DUSP8: variants seen among roughly 807,000 people sequenced by gnomAD.
The protein encoded by DUSP8 is dual specificity phosphatase 8.
A neutral mutation model predicts 38.7 loss-of-function variants in DUSP8; 15 were observed. The observed-to-expected ratio is 0.39, with a 90% CI of 0.26 to 0.60. The LOEUF (loss-of-function observed/expected upper bound fraction) is 0.60. DUSP8 is among the 20% of genes least tolerant of loss of function. The probability of loss-of-function intolerance (pLI) is 0.56; values close to 1 mark genes in which losing one functional copy is unlikely to be tolerated. For synonymous variants in DUSP8, 458 were observed against 433.9 expected (o/e 1.06, Z -0.69); for missense variants, 768 against 915.0 (o/e 0.84, Z 2.07).
At position 1,555,237 on chromosome 11, in the gene DUSP8, A is replaced by G; in HGVS notation, c.*1281T>C. ...ACTTGTGTTTGGGGGCTGGCATGCC[A>G]CCTAGAGAGAGAGCACCCTGGGAAA... On this transcript the variant is annotated 3_prime_UTR_variant, in exon 7 of 7. Transcript: ENST00000397374. 1 of 987,800 alleles carries G rather than the reference A, an allele frequency of 1.0e-6. No individual in the cohort carries two copies. Among genetic ancestry groups the G allele is most frequent in the Non-Finnish European group, 1.2e-6 (1 of 830,134 alleles). The allele number at this position is 987,800 out of a possible 1,614,324, so 61.2% of individuals were successfully genotyped here.
At chr11:1,559,098 G>A in intron 3 of DUSP8, 43 bp from the exon 4 acceptor site, 2 of 1,586,840 alleles carry the variant, frequency 1.3e-6, no homozygotes, top group East Asian at 2.3e-5. Flanking sequence ...GAACACCTAG[G>A]GCTCCCTGTC....
chr11:1,563,687 C>T (rs1441262159), intron 3 of DUSP8, among the ~76,000 whole-genome samples, 164 bp downstream of exon 3: 1 of 152,128 alleles, frequency 6.6e-6, no homozygotes, highest in Non-Finnish European at 1.5e-5. Context: ...TTGGTGGGTC[C>T]TGAAGTGTGG....
At chr11:1,564,846 T>C (rs1042773656) in intron 2 of DUSP8, among the ~76,000 whole-genome samples, 1 of 152,228 alleles carries the variant, frequency 6.6e-6, no homozygotes, top group Non-Finnish European at 1.5e-5. Flanking sequence ...AGTCCTCCCA[T>C]GTCCCAGCTC....
chr11:1,555,343 G>A lies in DUSP8; in HGVS notation c.*1175C>T. ...GGGGCTTTACCTGTCTTGAGGCAGT[G>A]CTCCCTAAGTGAAGCAGGCCTATCC... On this transcript the variant is annotated 3_prime_UTR_variant, in exon 7 of 7. Transcript: ENST00000397374. 1.0e-6 allele frequency: 1 copy of A among 987,816 alleles called. No individual in the cohort carries two copies. Among genetic ancestry groups the A allele is most frequent in the Non-Finnish European group, 1.2e-6 (1 of 830,208 alleles). The allele number at this position is 987,816 out of a possible 1,614,324, so 61.2% of individuals were successfully genotyped here. A position where few individuals can be genotyped will look rare whatever the true frequency, so the allele number is the denominator to read the frequency against.
chr11:1,572,429 C>CGGGGGGGGGGGCGGGGTGCAGGGTGCG (rs746042981), upstream of DUSP8, among the ~76,000 whole-genome samples: 1 of 29,470 alleles, frequency 3.4e-5, no homozygotes, highest in Non-Finnish European at 6.6e-5. The surrounding 1 kb of genome is among the most constrained non-coding windows in gnomAD (Gnocchi z 4.7). Context: ...GCGGCTGCCG[C>CGGGGGGGGGGGCGGGGTGCAGGGTGCG]GGGGGGGGGG....
intron 3 of DUSP8, among the ~76,000 whole-genome samples, chr11:1,560,052 G>A (rs1848693945): frequency 6.6e-6 from 1 of 152,184 alleles, no homozygotes; most frequent in Admixed American, 6.5e-5. Flanking sequence ...CACCGATGTG[G>A]ACCAGAAACT....
At position 1,558,386 on chromosome 11, in the gene DUSP8, G is replaced by A. The variant is rs545561857; in HGVS notation, c.538-115C>T. On this transcript the variant is annotated intron_variant, in intron 4 of 6. Transcript: ENST00000397374. The surrounding 1 kb of genome is among the most constrained non-coding windows in gnomAD (Gnocchi z 6.3). ...GGGCCTTTAGAATCCTGGGAGCCTT[G>A]GAATTTGTCCCAGATCCCAGTGTAT... The A allele has an allele frequency of 1.9e-5, 18 of 964,294 alleles. No homozygotes were observed. In the South Asian group the frequency reaches 2.0e-4, roughly 10 times the overall value. 59.7% of individuals were successfully genotyped at this position (964,294 alleles called of 1,614,324 possible).
chr11:1,559,776 C>T (rs533767246), intron 3 of DUSP8, among the ~76,000 whole-genome samples: 4 of 152,314 alleles, frequency 2.6e-5, no homozygotes, highest in Non-Finnish European at 5.9e-5. Flanking sequence ...CACACGTGAC[C>T]AGCGTGTGCT....
intron 3 of DUSP8, among the ~76,000 whole-genome samples, chr11:1,561,696 G>A (rs1446592342): frequency 6.6e-6 from 1 of 152,256 alleles, no homozygotes; most frequent in Non-Finnish European, 1.5e-5. Context: ...GGAGGACAGA[G>A]GCTTGGTCCT....
Position 1,556,295 on chromosome 11 carries a change from G to T in DUSP8, c.*223C>A, listed in dbSNP as rs1848621561. On this transcript the variant is annotated 3_prime_UTR_variant, in exon 7 of 7. Transcript: ENST00000397374. The surrounding 1 kb of genome is among the most constrained non-coding windows in gnomAD (Gnocchi z 5.2). ...AGGTGGCCTCGTATTGCTTAGAAAC[G>T]TATGTTTCAGTTTAAATACCAGACA... The T allele has an allele frequency of 7.0e-6, 4 of 573,856 alleles. No individual in the cohort carries two copies. The highest frequency in any genetic ancestry group is 9.4e-5 in the South Asian group (1 of 10,604). The allele number at this position is 573,856 out of a possible 1,614,324, so 35.5% of individuals were successfully genotyped here.
rs567018651 is a variant in DUSP8, at chr11:1,558,239, G to C, written c.570C>G (p.Val190=). 7.7e-6 allele frequency: 11 copies of C among 1,430,306 alleles called. No homozygotes were observed. The highest frequency in any genetic ancestry group is 1.0e-5 in the Non-Finnish European group (11 of 1,063,298). 88.6% of individuals were successfully genotyped at this position (1,430,306 alleles called of 1,614,324 possible). A position where few individuals can be genotyped will look rare whatever the true frequency, so the allele number is the denominator to read the frequency against. Reference sequence around the variant, plus strand: ...TGGGGCAGGAGTTGCTGGCGTTGAGGACGTAGCTTATTCCATTTTGCGTCA... The same window carrying C: ...TGGGGCAGGAGTTGCTGGCGTTGAGCACGTAGCTTATTCCATTTTGCGTCA... ...DLMTQNGISY[V]LNASNSCPKP... is the part of the protein sequence containing the mutation. Residue 190 remains valine, a synonymous_variant, in exon 5 of 7, where the codon GTC becomes GTG. Transcript: ENST00000397374. The surrounding 1 kb of genome is among the most constrained non-coding windows in gnomAD (Gnocchi z 6.3).
rs750888163 is a variant in DUSP8, at chr11:1,557,486, C to T, written c.910G>A (p.Ala304Thr). ...LEYERSLKLL[A>T]ALQGDPGTPS... ...GTGCCCGGGTCGCCCTGCAGGGCGG[C>T]CAGCAGCTTCAGGCTGCGCTCGTAC... Residue 304 changes from alanine to threonine, a missense_variant, in exon 7 of 7, where the codon GCC (alanine) becomes ACC (threonine). By Grantham distance (58) the Ala-to-Thr change is moderately conservative (BLOSUM62 0). Coordinates refer to ENST00000397374, the MANE Select transcript of DUSP8 (RefSeq NM_004420.3). The surrounding 1 kb of genome is among the most constrained non-coding windows in gnomAD (Gnocchi z 9.9). 7 of 1,574,520 alleles carry T rather than the reference C, an allele frequency of 4.4e-6. No individual in the cohort carries two copies. The South Asian group carries it at 4.6e-5, about 10-fold the overall frequency.
At chr11:1,568,016 G>C (rs568811504) in intron 1 of DUSP8, among the ~76,000 whole-genome samples, 2 of 152,200 alleles carry the variant, frequency 1.3e-5, no homozygotes, top group Non-Finnish European at 2.9e-5. Flanking sequence ...AGCGGCTCCA[G>C]GTGCCCCGTA....
Position 1,555,539 on chromosome 11 carries a change from A to C in DUSP8, c.*979T>G. ...AACCCTAAGACCACCCCCTCCTCAT[A>C]CCTGGGGGTCCAGGGCTTCCTGCCC... is the stretch of plus-strand genomic sequence containing the variant. On this transcript the variant is annotated 3_prime_UTR_variant, in exon 7 of 7. Transcript: ENST00000397374. The C allele has an allele frequency of 1.1e-6, 1 of 902,976 alleles. No individual in the cohort carries two copies. The highest frequency in any genetic ancestry group is 1.3e-6 in the Non-Finnish European group (1 of 754,502). The allele number at this position is 902,976 out of a possible 1,614,324, so 55.9% of individuals were successfully genotyped here.
intron 3 of DUSP8, among the ~76,000 whole-genome samples, chr11:1,562,386 T>A (rs1273507896): frequency 6.6e-6 from 1 of 152,078 alleles, no homozygotes; most frequent in Non-Finnish European, 1.5e-5. Context: ...CCTGGTGAGC[T>A]GTAAAAAGCC....
At position 1,556,799 on chromosome 11, in the gene DUSP8, C is replaced by T; in HGVS notation, c.1597G>A (p.Gly533Arg). 2 of 1,174,466 alleles carry T rather than the reference C, an allele frequency of 1.7e-6. No homozygotes were observed. The highest frequency in any genetic ancestry group is 8.4e-5 in the South Asian group (2 of 23,872). The allele number at this position is 1,174,466 out of a possible 1,614,324, so 72.8% of individuals were successfully genotyped here. ...PWCFSPEGAQ[G>R]AGGVLFAPFG... ...GGCGCAAACAGCACCCCGCCCGCCC[C>T]CTGTGCGCCCTCGGGGCTGAAGCAC... The change falls in exon 7 of 7, where the codon GGG becomes AGG. Residue 533 changes from glycine (G) to arginine (R), a missense_variant. Transcript: ENST00000397374. The surrounding 1 kb of genome is among the most constrained non-coding windows in gnomAD (Gnocchi z 5.2).
chr11:1,572,326 G>GA (rs1052196045), upstream of DUSP8, among the ~76,000 whole-genome samples: 25 of 149,020 alleles, frequency 1.7e-4, no homozygotes, highest in Non-Finnish European at 3.0e-4. The surrounding 1 kb of genome is among the most constrained non-coding windows in gnomAD (Gnocchi z 4.7). Context: ...CATGCCGAGC[G>GA]AAAAAAGCCC....
chr11:1,559,181 A>G, intron 3 of DUSP8, 126 bp from the exon 4 acceptor site: 3 of 939,270 alleles, frequency 3.2e-6, no homozygotes, highest in Non-Finnish European at 4.5e-6. Flanking sequence ...CCCAGACCCG[A>G]GCCTGAGCCC....
chr11:1,557,461 G>A lies in DUSP8; in HGVS notation c.935C>T (p.Thr312Ile), dbSNP rs772152722. Residue 312 changes from threonine (T) to isoleucine (I), a missense_variant, in exon 7 of 7, where the codon ACC (threonine) becomes ATC (isoleucine). Around this residue, in one of 3 missense-constraint regions of DUSP8, gnomAD observed 474 missense variants for 430.8 expected, o/e 1.10. Transcript: ENST00000397374. This position sits in a 1 kb window ranked among gnomAD's most constrained non-coding sequence, Gnocchi z 9.9. ...CGGAGGCTCCGGCGTCCCTGAGGGG[G>A]TGCCCGGGTCGCCCTGCAGGGCGGC... ...LLAALQGDPG[T>I]PSGTPEPPPS... 1.9e-6 allele frequency: 3 copies of A among 1,563,854 alleles called. No homozygotes were observed. The highest frequency in any genetic ancestry group is 1.2e-5 in the South Asian group (1 of 85,814).
Sources: gnomAD v4.1 joint callset for allele counts (sites outside exome capture counted in the v4.1 genomes callset) on GRCh38, gnomAD v4.1.1 for gene constraint, gnomAD v4.1.1 regional missense constraint, Gnocchi (gnomAD v3.1) non-coding constraint, MANE v1.5 for transcripts, NCBI Gene and HGNC (gene_info 2026-07-23, HGNC 2026-07-21) for gene names.